Variants in SUSD5 observed in about 807,000 individuals in gnomAD.
The protein encoded by SUSD5 is sushi domain containing 5.
Under a neutral mutation model 29.5 loss-of-function variants are expected in SUSD5, and 33 were observed. The ratio of observed to expected loss-of-function variants is 1.12; its 90% CI spans 0.85 to 1.49. The LOEUF is 1.49. SUSD5 is among the 40% of genes most tolerant of loss of function. The pLI, the probability that SUSD5 is intolerant of heterozygous loss-of-function variation, is 0.00. For missense variants in SUSD5, 776 were observed against 800.6 expected (o/e 0.97, Z 0.37); for synonymous variants, 308 against 325.3 (o/e 0.95, Z 0.57).
intron 2 of SUSD5, among the ~76,000 whole-genome samples, chr3:33,213,334 G>A (rs2032357777): frequency 6.6e-6 from 1 of 152,132 alleles, no homozygotes; most frequent in South Asian, 2.1e-4. Flanking sequence ...AGCCCAGGAT[G>A]TTGAGGCTGC....
intron 3 of SUSD5, among the ~76,000 whole-genome samples, chr3:33,188,963 T>C (rs1419313276): frequency 1.3e-5 from 2 of 152,152 alleles, no homozygotes; most frequent in Non-Finnish European, 2.9e-5. Context: ...TGGTTGAAAA[T>C]TATTCACAAC....
chr3:33,152,858 C>A lies in SUSD5; in HGVS notation c.1774G>T (p.Val592Leu). Residue 592 changes from valine to leucine, a missense_variant, in exon 5 of 5, where the codon GTG (valine) becomes TTG (leucine). Coordinates refer to ENST00000309558, the MANE Select transcript of SUSD5 (RefSeq NM_015551.2). ...VLCLLLLLAG[V>L]GMVWGYRKCQ... ...TTGCGGTAGCCCCACACCATCCCCACACCTGCCAGGAGCAGCAGTAGGCAC... is the reference window on the plus strand; with the variant it reads ...TTGCGGTAGCCCCACACCATCCCCAAACCTGCCAGGAGCAGCAGTAGGCAC... 6.2e-7 allele frequency: 1 copy of A among 1,613,982 alleles called. No individual in the cohort carries two copies. Among genetic ancestry groups the A allele is most frequent in the South Asian group, 1.1e-5 (1 of 91,080 alleles).
chr3:33,213,648 C>G (rs2032365864), intron 2 of SUSD5, among the ~76,000 whole-genome samples: 1 of 152,012 alleles, frequency 6.6e-6, no homozygotes, highest in East Asian at 1.9e-4. Flanking sequence ...GTGGCACATG[C>G]CTGTAATCCC....
chr3:33,174,856 G>C, intron 4 of SUSD5, 30 bp downstream of exon 4: 1 of 1,609,878 alleles, frequency 6.2e-7, no homozygotes, highest in Non-Finnish European at 8.5e-7. Flanking sequence ...GCGTGGGCAC[G>C]CGAAGGTGGC....
At chr3:33,195,772 A>C (rs551710869) in intron 3 of SUSD5, among the ~76,000 whole-genome samples, 10 of 150,024 alleles carry the variant, frequency 6.7e-5, no homozygotes, top group African/African-American at 2.4e-4. Flanking sequence ...ATGCAATCTT[A>C]TATGTTGTTC....
At chr3:33,217,166 G>A (rs2032440637) in intron 1 of SUSD5, among the ~76,000 whole-genome samples, 1 of 152,122 alleles carries the variant, frequency 6.6e-6, no homozygotes, top group African/African-American at 2.4e-5. Flanking sequence ...AAACCTTATG[G>A]ATTGCAAAAA....
At chr3:33,185,239 G>C (rs2031753569) in intron 3 of SUSD5, among the ~76,000 whole-genome samples, 1 of 152,200 alleles carries the variant, frequency 6.6e-6, no homozygotes, top group African/African-American at 2.4e-5. Flanking sequence ...AAAATATTTT[G>C]TTCCTGATCA....
At chr3:33,202,391 G>A (rs2032137670) in intron 3 of SUSD5, among the ~76,000 whole-genome samples, 1 of 152,070 alleles carries the variant, frequency 6.6e-6, no homozygotes, top group African/African-American at 2.4e-5. Flanking sequence ...CACCAAGACA[G>A]GGGAGCATCC....
At chr3:33,179,462 G>A (rs1259125633) in intron 3 of SUSD5, among the ~76,000 whole-genome samples, 1 of 152,118 alleles carries the variant, frequency 6.6e-6, no homozygotes, top group Non-Finnish European at 1.5e-5. Context: ...AACCCAGCAA[G>A]GTTTGTTTGT....
intron 3 of SUSD5, among the ~76,000 whole-genome samples, chr3:33,196,142 G>C (rs1171287901): frequency 6.6e-6 from 1 of 152,142 alleles, no homozygotes; most frequent in African/African-American, 2.4e-5. Flanking sequence ...AAGTCATGAT[G>C]GTAACTGAAT....
intron 3 of SUSD5, among the ~76,000 whole-genome samples, chr3:33,187,296 C>T (rs1156558473): frequency 2.0e-5 from 3 of 152,220 alleles, no homozygotes; most frequent in Admixed American, 6.5e-5. Flanking sequence ...AGATCTTCTT[C>T]AGAATTAATT....
In SUSD5 at chr3:33,162,886, CA is replaced by C. The variant is rs576548592; in HGVS notation, c.599-8854del. Among the ~76,000 whole-genome samples, 13 of 144,734 alleles carry C rather than the reference CA, an allele frequency of 9.0e-5. No homozygotes were observed. In the South Asian group the frequency reaches 2.4e-3, roughly 27 times the overall value. 95.0% of individuals were successfully genotyped at this position (144,734 alleles called of 152,430 possible). A position where few individuals can be genotyped will look rare whatever the true frequency, so the allele number is the denominator to read the frequency against. The stretch of plus-strand genomic sequence containing the variant: ...GACCTGAGATGGTGCCATTGCACTC[CA>C]GCCTGGGCAACGAGAGCAAAACTCC... On this transcript the variant is annotated intron_variant, in intron 4 of 4. Transcript: ENST00000309558.
intron 3 of SUSD5, among the ~76,000 whole-genome samples, chr3:33,200,594 TG>T (rs531654944): frequency 2.4e-4 from 37 of 152,272 alleles, no homozygotes; most frequent in Non-Finnish European, 4.3e-4. Flanking sequence ...TTGCCACGAA[TG>T]GACCATCGAG....
rs879147822 is a variant in SUSD5 at position 33,207,968 on chromosome 3, G to T, written c.291-42C>A. On this transcript the variant is annotated intron_variant, in intron 2 of 4. Transcript: ENST00000309558. The stretch of plus-strand genomic sequence containing the variant: ...AGGCACTGAATGAGGAAAACTCTGG[G>T]TTGAAAATAATAAGGAATAATTCTC... The T allele has an allele frequency of 2.0e-6, 3 of 1,473,702 alleles. No homozygotes were observed. The South Asian group carries it at 3.5e-5, about 17-fold the overall frequency. The allele number at this position is 1,473,702 out of a possible 1,614,324, so 91.3% of individuals were successfully genotyped here.
At chr3:33,186,139 T>TA (rs1468258648) in intron 3 of SUSD5, among the ~76,000 whole-genome samples, 4 of 151,746 alleles carry the variant, frequency 2.6e-5, no homozygotes, top group Admixed American at 6.6e-5. Context: ...CTGTCTCTAC[T>TA]AAAATACAAA....
rs772413640 is a variant in SUSD5, at chr3:33,207,964, C to A, written c.291-38G>T. 4.6e-6 allele frequency: 7 copies of A among 1,507,572 alleles called. No individual in the cohort carries two copies. The East Asian group carries it at 1.4e-4, about 29-fold the overall frequency. 93.4% of individuals were successfully genotyped at this position (1,507,572 alleles called of 1,614,324 possible). ...AAAAAGGCACTGAATGAGGAAAACT[C>A]TGGGTTGAAAATAATAAGGAATAAT... On this transcript the variant is annotated intron_variant, in intron 2 of 4. Coordinates refer to ENST00000309558, the MANE Select transcript of SUSD5 (RefSeq NM_015551.2).
intron 4 of SUSD5, among the ~76,000 whole-genome samples, chr3:33,161,723 ATACT>A (rs1032886367): frequency 3.3e-5 from 5 of 152,190 alleles, no homozygotes; most frequent in Admixed American, 1.3e-4. Context: ...AAGGCAAAAA[ATACT>A]TAGTAGAGAT....
intron 4 of SUSD5, 51 bp downstream of exon 4, chr3:33,174,835 C>G: frequency 1.3e-6 from 2 of 1,597,900 alleles, no homozygotes; most frequent in South Asian, 2.2e-5. Context: ...GTGGAGCCCT[C>G]AGCCAGCACT....
At chr3:33,163,113 T>G (rs990148778) in intron 4 of SUSD5, among the ~76,000 whole-genome samples, 2 of 152,092 alleles carry the variant, frequency 1.3e-5, no homozygotes, top group Admixed American at 6.6e-5. Flanking sequence ...ATCAAATGTT[T>G]AAGAGGATAA....
Sources: allele counts gnomAD v4.1 joint callset (sites outside exome capture counted in the v4.1 genomes callset), GRCh38; gene constraint gnomAD v4.1.1; transcripts MANE v1.5; gene names NCBI Gene and HGNC (gene_info 2026-07-23, HGNC 2026-07-21).